PRKN: variants seen among roughly 807,000 people sequenced by gnomAD.
The protein encoded by PRKN is parkin RBR E3 ubiquitin protein ligase.
A neutral mutation model predicts 59.5 loss-of-function variants in PRKN; 56 were observed. The observed-to-expected ratio is 0.94, with a 90% CI of 0.76 to 1.18. The LOEUF (loss-of-function observed/expected upper bound fraction) is 1.18. PRKN is among the 50% of genes most tolerant of loss of function. The pLI, the probability that PRKN is intolerant of heterozygous loss-of-function variation, is 0.00. For synonymous variants in PRKN, 250 were observed against 222.1 expected (o/e 1.13, Z -1.12); for missense variants, 657 against 596.4 (o/e 1.10, Z -1.06).
At chr6:162,305,418 A>T (rs1236475153) in intron 2 of PRKN, among the ~76,000 whole-genome samples, 1 of 149,570 alleles carries the variant, frequency 6.7e-6, no homozygotes, top group Non-Finnish European at 1.5e-5. Context: ...CTTTTTTTTT[A>T]AAGTTGTGAG....
chr6:161,700,755 TA>T (rs1786218561), intron 7 of PRKN, among the ~76,000 whole-genome samples: 8 of 152,200 alleles, frequency 5.3e-5, no homozygotes, highest in Non-Finnish European at 7.3e-5. Context: ...TGTAGTGTTT[TA>T]GGATAAGGAC....
In PRKN at chr6:162,011,231, A is replaced by G. The variant is rs1156310513; in HGVS notation, c.619-37814T>C. ...ATATAATATAGTATATATTTATAATATATAATTTATAATATATATAATATA... is the reference window on the plus strand; with the variant it reads ...ATATAATATAGTATATATTTATAATGTATAATTTATAATATATATAATATA... On this transcript the variant is annotated intron_variant, in intron 5 of 11. Coordinates refer to ENST00000366898, the MANE Select transcript of PRKN (RefSeq NM_004562.3). 1.0e-4 allele frequency among the ~76,000 whole-genome samples: 2 copies of G among 19,320 alleles called. 1 individual carries two copies. The highest frequency in any genetic ancestry group is 1.9e-4 in the Non-Finnish European group (2 of 10,660). 12.7% of individuals were successfully genotyped at this position (19,320 alleles called of 152,430 possible).
chr6:162,099,710 G>T (rs1040040696), intron 4 of PRKN, among the ~76,000 whole-genome samples: 2 of 152,182 alleles, frequency 1.3e-5, no homozygotes, highest in Non-Finnish European at 2.9e-5. Flanking sequence ...ATATGTATGT[G>T]TTGTGGAACA....
chr6:161,637,854 C>T (rs989660909), intron 7 of PRKN, among the ~76,000 whole-genome samples: 72 of 152,142 alleles, frequency 4.7e-4, no homozygotes, highest in Admixed American at 3.1e-3. Flanking sequence ...TGGGCGTGCT[C>T]CCAGAGGGGA....
intron 6 of PRKN, among the ~76,000 whole-genome samples, chr6:161,904,042 C>T (rs1175232112): frequency 6.6e-6 from 1 of 151,950 alleles, no homozygotes; most frequent in Non-Finnish European, 1.5e-5. Context: ...AGACACACCC[C>T]ATGGAATGAT....
Position 162,262,632 on chromosome 6 carries a change from A to C in PRKN, c.305T>G (p.Leu102Trp). 1 of 1,613,792 alleles carries C rather than the reference A, an allele frequency of 6.2e-7. No homozygotes were observed. Among genetic ancestry groups the C allele is most frequent in the African/African-American group, 1.3e-5 (1 of 74,968 alleles). The part of the protein sequence containing the change: ...AGGCEREPQS[L>W]TRVDLSSSVL... ...TGAGCTGCTGAGGTCCACCCGAGTC[A>C]AGCTCTGGGGCTCCCGCTCACAGCC... is the stretch of plus-strand genomic sequence containing the variant. The change falls in exon 3 of 12, where the codon TTG becomes TGG. Residue 102 changes from leucine (L) to tryptophan (W), a missense_variant. Leu to Trp is a moderately conservative substitution (Grantham distance 61). Transcript: ENST00000366898.
At chr6:161,927,149 T>C (rs1778999761) in intron 6 of PRKN, among the ~76,000 whole-genome samples, 1 of 152,206 alleles carries the variant, frequency 6.6e-6, no homozygotes, top group Non-Finnish European at 1.5e-5. Context: ...TTGCCAATGA[T>C]AGTTTGTTAA....
chr6:161,908,968 T>TA (rs1366185959), intron 6 of PRKN, among the ~76,000 whole-genome samples: 1 of 152,018 alleles, frequency 6.6e-6, no homozygotes, highest in South Asian at 2.1e-4. Context: ...ACAAAATGAT[T>TA]AAAAAAATAA....
At chr6:161,383,749 T>C (rs986519178) in intron 10 of PRKN, among the ~76,000 whole-genome samples, 1 of 152,232 alleles carries the variant, frequency 6.6e-6, no homozygotes, top group East Asian at 1.9e-4. Flanking sequence ...GGTTCCTGTG[T>C]CCCCAGCCCG....
chr6:162,186,267 G>C (rs562346955), intron 4 of PRKN, among the ~76,000 whole-genome samples: 1 of 151,556 alleles, frequency 6.6e-6, no homozygotes, highest in East Asian at 2.0e-4. Context: ...TTGCCTATGT[G>C]AATTTACAAA....
intron 1 of PRKN, among the ~76,000 whole-genome samples, chr6:162,542,925 C>A (rs13210901): frequency 6.6e-6 from 1 of 152,028 alleles, no homozygotes. Flanking sequence ...CACTGATGGA[C>A]ACCTCCAGCC....
chr6:162,420,670 T>G (rs1047019402), intron 2 of PRKN, among the ~76,000 whole-genome samples: 1 of 152,182 alleles, frequency 6.6e-6, no homozygotes, highest in Non-Finnish European at 1.5e-5. Context: ...CCATAAATAC[T>G]ACATTAAATT....
chr6:162,133,005 C>T (rs775220992), intron 4 of PRKN, among the ~76,000 whole-genome samples: 2 of 152,162 alleles, frequency 1.3e-5, no homozygotes, highest in Non-Finnish European at 2.9e-5. Context: ...GGCAGCAGAA[C>T]ATGTGCTTGG....
At chr6:162,240,469 TC>T (rs1465251239) in intron 3 of PRKN, among the ~76,000 whole-genome samples, 1 of 152,140 alleles carries the variant, frequency 6.6e-6, no homozygotes, top group Non-Finnish European at 1.5e-5. Flanking sequence ...TTGCTATGTG[TC>T]TCATGGCTAC....
intron 1 of PRKN, among the ~76,000 whole-genome samples, chr6:162,540,005 C>T (rs891794589): frequency 6.6e-5 from 10 of 152,088 alleles, no homozygotes; most frequent in African/African-American, 2.4e-4. Flanking sequence ...TCACTGCAAC[C>T]TCCAGGTTCA....
chr6:162,414,076 G>C (rs572962990), intron 2 of PRKN, among the ~76,000 whole-genome samples: 5 of 152,206 alleles, frequency 3.3e-5, no homozygotes, highest in Admixed American at 2.0e-4. Flanking sequence ...CCAGCTACTC[G>C]GGAGGCTGAA....
chr6:162,325,058 T>C (rs1783203066), intron 2 of PRKN, among the ~76,000 whole-genome samples: 1 of 151,860 alleles, frequency 6.6e-6, no homozygotes, highest in African/African-American at 2.4e-5. Context: ...GAAAAAAAAA[T>C]CCATAAATAC....
At chr6:161,522,366 T>G (rs1428573510) in intron 9 of PRKN, among the ~76,000 whole-genome samples, 2 of 152,112 alleles carry the variant, frequency 1.3e-5, no homozygotes, top group Non-Finnish European at 2.9e-5. Flanking sequence ...TCAGTAGAAT[T>G]TTCCATTAAA....
rs150868167 is a variant in PRKN at position 161,522,277 on chromosome 6, C to T, written c.1083+26577G>A. Among the ~76,000 whole-genome samples the T allele has an allele frequency of 1.2e-4, 19 of 152,208 alleles. No homozygotes were observed. In the East Asian group the frequency reaches 2.9e-3, roughly 23 times the overall value. ...CTCCCCACAAGAGACCGATGACAGG[C>T]GAGGGAGGTAGAGGAGAGGGCTGAA... On this transcript the variant is annotated intron_variant, in intron 9 of 11. Coordinates refer to ENST00000366898, the MANE Select transcript of PRKN (RefSeq NM_004562.3).
Sources: gnomAD v4.1 joint callset for allele counts (sites outside exome capture counted in the v4.1 genomes callset) on GRCh38, gnomAD v4.1.1 for gene constraint, MANE v1.5 for transcripts, NCBI Gene and HGNC (gene_info 2026-07-23, HGNC 2026-07-21) for gene names.